Variants in CAPZA2 observed in about 807,000 individuals in gnomAD.
CAPZA2 encodes the protein F-actin-capping protein subunit alpha-2.
Under a neutral mutation model 44.0 loss-of-function variants are expected in CAPZA2, and 13 were observed. The ratio of observed to expected loss-of-function variants is 0.30; its 90% CI spans 0.19 to 0.47. CAPZA2 has a LOEUF of 0.47. CAPZA2 is among the 20% of genes least tolerant of loss of function. The pLI is 1.00. For missense variants in CAPZA2, 244 were observed against 338.6 expected (o/e 0.72, Z 2.19); for synonymous variants, 94 against 108.2 (o/e 0.87, Z 0.81).
chr7:116,915,542 C>A (rs1225020648), intron 8 of CAPZA2: 1 of 151,862 alleles, frequency 6.6e-6, no homozygotes, highest in Non-Finnish European at 1.5e-5. Context: ...TTTTTTAAAT[C>A]CAGATTCTGT....
At chr7:116,892,017 C>T (rs185957625) in intron 2 of CAPZA2, among the ~76,000 whole-genome samples, 3 of 152,270 alleles carry the variant, frequency 2.0e-5, no homozygotes, top group Admixed American at 2.0e-4. Flanking sequence ...TCAAACATCT[C>T]TCAACTAACA....
intron 1 of CAPZA2, among the ~76,000 whole-genome samples, chr7:116,880,989 G>T (rs370765420): frequency 1.1e-4 from 16 of 151,910 alleles, no homozygotes; most frequent in East Asian, 5.8e-4. Context: ...GATTACAGGC[G>T]TGATCCACCA....
At chr7:116,863,185 C>T (rs1796440424) in intron 1 of CAPZA2, among the ~76,000 whole-genome samples, 1 of 152,220 alleles carries the variant, frequency 6.6e-6, no homozygotes. Flanking sequence ...AAAATGCTTC[C>T]TTTTCTGATC....
intron 1 of CAPZA2, among the ~76,000 whole-genome samples, chr7:116,866,103 C>T (rs911529781): frequency 2.6e-5 from 4 of 151,940 alleles, no homozygotes; most frequent in Admixed American, 2.6e-4. Flanking sequence ...CCTTTGGCCA[C>T]TGGGTGAATG....
At chr7:116,912,875 G>T (rs1389456318) in intron 8 of CAPZA2, among the ~76,000 whole-genome samples, 1 of 152,124 alleles carries the variant, frequency 6.6e-6, no homozygotes, top group Non-Finnish European at 1.5e-5. Flanking sequence ...TTGAAGAACT[G>T]CCAGACTGTT....
At chr7:116,884,059 C>T (rs1365536237) in intron 1 of CAPZA2, among the ~76,000 whole-genome samples, 3 of 151,996 alleles carry the variant, frequency 2.0e-5, no homozygotes, top group Non-Finnish European at 4.4e-5. Context: ...GGGGATGGGG[C>T]AGAAAGGGGA....
rs1791729273 is a variant in CAPZA2, at chr7:116,919,251, A to T, written c.*1384A>T. 1 of 152,596 alleles carries T rather than the reference A, an allele frequency of 6.6e-6. No individual in the cohort carries two copies. The highest frequency in any genetic ancestry group is 6.5e-5 in the Admixed American group (1 of 15,272). The allele number at this position is 152,596 out of a possible 1,614,324, so 9.5% of individuals were successfully genotyped here. ...TTGAAAGCATTGAGAATATAATATG[A>T]AATTATGACATTTTGTCTAAATCAT... On this transcript the variant is annotated 3_prime_UTR_variant, in exon 10 of 10. Coordinates refer to ENST00000361183, the MANE Select transcript of CAPZA2 (RefSeq NM_006136.3).
chr7:116,899,149 T>G (rs1024776604), intron 4 of CAPZA2, among the ~76,000 whole-genome samples: 11 of 152,080 alleles, frequency 7.2e-5, no homozygotes, highest in Admixed American at 3.3e-4. Context: ...ATATGTGTAG[T>G]AGATTTATAT....
intron 6 of CAPZA2, chr7:116,906,623 A>G (rs1791517239): frequency 6.5e-6 from 2 of 308,642 alleles, no homozygotes; most frequent in African/African-American, 2.2e-5. Context: ...TTGGCAATCC[A>G]TATGCTCATT....
At chr7:116,916,591 A>G (rs1791682293) in intron 9 of CAPZA2, among the ~76,000 whole-genome samples, 2 of 151,922 alleles carry the variant, frequency 1.3e-5, no homozygotes, top group South Asian at 4.1e-4. Flanking sequence ...ACGCCACTGC[A>G]CTCCAGCCTG....
rs1457403229 is a variant in CAPZA2 at position 116,918,943 on chromosome 7, C to G, written c.*1076C>G. ...CTACTGATGCTACAGGAATTTCAAG[C>G]CTGTGGTGAATGTTAGTATTTACCA... On this transcript the variant is annotated 3_prime_UTR_variant, in exon 10 of 10. Transcript: ENST00000361183. The G allele has an allele frequency of 6.6e-6, 1 of 152,030 alleles. No homozygotes were observed. Among genetic ancestry groups the G allele is most frequent in the Non-Finnish European group, 1.5e-5 (1 of 68,018 alleles). The allele number at this position is 152,030 out of a possible 1,614,324, so 9.4% of individuals were successfully genotyped here.
intron 1 of CAPZA2, among the ~76,000 whole-genome samples, chr7:116,867,948 G>C (rs1324072220): frequency 1.3e-5 from 2 of 152,196 alleles, no homozygotes; most frequent in African/African-American, 4.8e-5. Context: ...GCTCTGAAAT[G>C]TTAGAATGTT....
At chr7:116,911,611 G>A (rs114391605) in intron 7 of CAPZA2, among the ~76,000 whole-genome samples, 2,439 of 152,236 alleles carry the variant, frequency 0.016, 69 homozygotes, top group African/African-American at 0.056. Flanking sequence ...CAGGGACTGT[G>A]TCTTTTTAAA....
chr7:116,890,571 C>A (rs11772512), intron 2 of CAPZA2, among the ~76,000 whole-genome samples: 8,213 of 25,038 alleles, frequency 0.33, 1,481 homozygotes, highest in East Asian at 0.51. Context: ...TATATATACA[C>A]ATATATATAT....
intron 1 of CAPZA2, among the ~76,000 whole-genome samples, chr7:116,863,166 C>T (rs555345827): frequency 1.3e-5 from 2 of 152,220 alleles, no homozygotes; most frequent in African/African-American, 2.4e-5. Flanking sequence ...ACTTCCCCCT[C>T]CTCAAAGCAA....
chr7:116,899,679 T>G (rs1320522129), intron 4 of CAPZA2, among the ~76,000 whole-genome samples: 2 of 151,354 alleles, frequency 1.3e-5, no homozygotes, highest in African/African-American at 4.8e-5. Context: ...TTTTGCTTTT[T>G]CTTTACTACT....
At chr7:116,863,702 G>C (rs1488225795) in intron 1 of CAPZA2, among the ~76,000 whole-genome samples, 1 of 152,140 alleles carries the variant, frequency 6.6e-6, no homozygotes, top group Non-Finnish European at 1.5e-5. Context: ...GTTAGTTGCA[G>C]GGTTGGAAAT....
At position 116,920,307 on chromosome 7, in the gene CAPZA2, G is replaced by GC. The variant is rs1554412939; in HGVS notation, c.*2440_*2441insC. The GC allele has an allele frequency of 6.6e-6, 1 of 152,162 alleles. No individual in the cohort carries two copies. Among genetic ancestry groups the GC allele is most frequent in the Non-Finnish European group, 1.5e-5 (1 of 68,044 alleles). The allele number at this position is 152,162 out of a possible 1,614,324, so 9.4% of individuals were successfully genotyped here. On this transcript the variant is annotated 3_prime_UTR_variant, in exon 10 of 10. Transcript: ENST00000361183. ...AGTGAAAGAAGAATGGAAACCCAGA[G>GC]TATCCTATAGCTCAGGGATGTAATT...
rs1289800924 is a variant in CAPZA2 at position 116,919,708 on chromosome 7, A to C, written c.*1841A>C. On this transcript the variant is annotated 3_prime_UTR_variant, in exon 10 of 10. Transcript: ENST00000361183. Reference sequence around the variant, plus strand: ...GTGAAACCCTGTCTCTACTAAAAATACAAAAAATTAGCCGGGTGTGGTGAC... The same window carrying C: ...GTGAAACCCTGTCTCTACTAAAAATCCAAAAAATTAGCCGGGTGTGGTGAC... 1 of 150,558 alleles carries C rather than the reference A, an allele frequency of 6.6e-6. No individual in the cohort carries two copies. The highest frequency in any genetic ancestry group is 6.6e-5 in the Admixed American group (1 of 15,048). The allele number at this position is 150,558 out of a possible 1,614,324, so 9.3% of individuals were successfully genotyped here. A position where few individuals can be genotyped will look rare whatever the true frequency, so the allele number is the denominator to read the frequency against.
Sources: gnomAD v4.1 joint callset for allele counts (sites outside exome capture counted in the v4.1 genomes callset) on GRCh38, gnomAD v4.1.1 for gene constraint, MANE v1.5 for transcripts, NCBI Gene and HGNC (gene_info 2026-07-23, HGNC 2026-07-21) for gene names.